MYO1E: variants seen among roughly 807,000 people sequenced by gnomAD.
The protein encoded by MYO1E is unconventional myosin-Ie.
In MYO1E, 68 loss-of-function variants were observed where a neutral mutation model predicts 151.1. The ratio of observed to expected loss-of-function variants is 0.45; its 90% CI spans 0.37 to 0.55. The LOEUF (loss-of-function observed/expected upper bound fraction) is 0.55, where lower values mean the gene tolerates loss of function less well. Among genes scored for constraint, MYO1E ranks in the 20% least tolerant of loss-of-function variants. The pLI, the probability that MYO1E is intolerant of heterozygous loss-of-function variation, is 0.00. For missense variants in MYO1E, 1,363 were observed against 1,389.3 expected (o/e 0.98, Z 0.30); for synonymous variants, 601 against 501.7 (o/e 1.20, Z -2.64).
intron 1 of MYO1E, among the ~76,000 whole-genome samples, chr15:59,322,386 T>C (rs531747811): frequency 8.9e-4 from 135 of 152,322 alleles, no homozygotes; most frequent in African/African-American, 3.1e-3. Flanking sequence ...ACTGTATCTA[T>C]ACTTACAAAT....
intron 1 of MYO1E, among the ~76,000 whole-genome samples, chr15:59,273,176 G>T (rs1409275301): frequency 6.6e-6 from 1 of 152,182 alleles, no homozygotes; most frequent in Non-Finnish European, 1.5e-5. Flanking sequence ...GGCCCCCTTG[G>T]GTAGATGAAG....
chr15:59,144,913 G>A (rs1181460308), intron 26 of MYO1E, among the ~76,000 whole-genome samples: 1 of 152,098 alleles, frequency 6.6e-6, no homozygotes, highest in Non-Finnish European at 1.5e-5. Flanking sequence ...GTACGATCTC[G>A]GCTCACCGCA....
chr15:59,196,521 TCCAAAGCCAGAAAA>T (rs753222583), intron 16 of MYO1E, among the ~76,000 whole-genome samples: 25 of 152,082 alleles, frequency 1.6e-4, no homozygotes, highest in Non-Finnish European at 2.9e-4. Context: ...AAAAGGGACC[TCCAAAGCCAGAAAA>T]CCATTACAGT....
chr15:59,360,714 G>C (rs528675557), intron 1 of MYO1E, among the ~76,000 whole-genome samples: 46 of 152,260 alleles, frequency 3.0e-4, no homozygotes, highest in African/African-American at 1.1e-3. Context: ...CTTCAGCTCC[G>C]ATTCCTCATG....
In MYO1E at chr15:59,233,441, G is replaced by A. The variant is rs914128702; in HGVS notation, c.421-1650C>T. 1.8e-4 allele frequency among the ~76,000 whole-genome samples: 28 copies of A among 152,162 alleles called. 1 individual carries two copies. The South Asian group carries it at 5.6e-3, about 30-fold the overall frequency. ...AGCACTTTGGGAAGCCAAGGCGGGC[G>A]GATCATGAGGTCAACAGATCAAGAC... On this transcript the variant is annotated intron_variant, in intron 5 of 27. Coordinates refer to ENST00000288235, the MANE Select transcript of MYO1E (RefSeq NM_004998.4).
chr15:59,138,406 A>G, intron 26 of MYO1E, 39 bp from the exon 27 acceptor site: 1 of 1,609,402 alleles, frequency 6.2e-7, no homozygotes, highest in Non-Finnish European at 8.5e-7. Flanking sequence ...GGGCCCCAAC[A>G]GGGGGCAGCA....
At position 59,372,534 on chromosome 15, in the gene MYO1E, TCC is replaced by T; in HGVS notation, c.-36_-35del. The T allele has an allele frequency of 6.5e-7, 1 of 1,535,148 alleles. No individual in the cohort carries two copies. Among genetic ancestry groups the T allele is most frequent in the African/African-American group, 1.4e-5 (1 of 72,744 alleles). On this transcript the variant is annotated 5_prime_UTR_variant, in exon 1 of 28. Coordinates refer to ENST00000288235, the MANE Select transcript of MYO1E (RefSeq NM_004998.4). ...GCGCCGCGGTCGCGTCTTCGCCGGGTCCCGCTGCCGGGGAACTGGGGCTGGAA... is the reference window on the plus strand; with the variant it reads ...GCGCCGCGGTCGCGTCTTCGCCGGGTCGCTGCCGGGGAACTGGGGCTGGAA...
chr15:59,174,238 T>G lies in MYO1E; in HGVS notation c.2052A>C (p.Leu684=). 2 of 1,603,028 alleles carry G rather than the reference T, an allele frequency of 1.2e-6. No homozygotes were observed. Among genetic ancestry groups the G allele is most frequent in the Non-Finnish European group, 1.7e-6 (2 of 1,170,108 alleles). ...TCTCTCTCATCTCTTCTAAAAGAAA[T>G]AGCTGTGAATGGAGAGAAGACAAAT... The part of the protein sequence containing the change: ...SKVFIKAPES[L]FLLEEMRERK... Residue 684 remains leucine, a splice_region_variant and synonymous_variant, in exon 20 of 28, where the codon CTA becomes CTC. Coordinates refer to ENST00000288235, the MANE Select transcript of MYO1E (RefSeq NM_004998.4).
chr15:59,198,890 C>T (rs1412024822), intron 16 of MYO1E, among the ~76,000 whole-genome samples: 2 of 151,872 alleles, frequency 1.3e-5, no homozygotes, highest in African/African-American at 4.8e-5. Flanking sequence ...GATGCCTGTA[C>T]TTCCTCTGTC....
chr15:59,317,922 G>A (rs2080599493), intron 1 of MYO1E, among the ~76,000 whole-genome samples: 1 of 152,186 alleles, frequency 6.6e-6, no homozygotes, highest in East Asian at 1.9e-4. Context: ...TTCTACAGAT[G>A]TGGAAACTGA....
intron 6 of MYO1E, among the ~76,000 whole-genome samples, chr15:59,228,862 C>A (rs147778711): frequency 6.6e-6 from 1 of 152,142 alleles, no homozygotes; most frequent in Admixed American, 6.5e-5. Context: ...TGTTCCTGTT[C>A]GTAATTATTC....
intron 1 of MYO1E, among the ~76,000 whole-genome samples, chr15:59,361,222 T>C (rs557549467): frequency 1.1e-4 from 16 of 152,146 alleles, no homozygotes; most frequent in Non-Finnish European, 1.9e-4. Context: ...ACCACAGTGA[T>C]TGAATGAACC....
intron 1 of MYO1E, among the ~76,000 whole-genome samples, chr15:59,291,212 C>T (rs1261840819): frequency 6.6e-6 from 1 of 152,184 alleles, no homozygotes; most frequent in East Asian, 1.9e-4. Context: ...TACCTGAGCC[C>T]AGCGACCCAA....
Position 59,136,836 on chromosome 15 carries a change from G to C in MYO1E, c.*544C>G, listed in dbSNP as rs1383929709. The C allele has an allele frequency of 8.9e-6, 4 of 450,588 alleles. No individual in the cohort carries two copies. The highest frequency in any genetic ancestry group is 6.0e-5 in the African/African-American group (3 of 49,744). 27.9% of individuals were successfully genotyped at this position (450,588 alleles called of 1,614,324 possible). A position where few individuals can be genotyped will look rare whatever the true frequency, so the allele number is the denominator to read the frequency against. ...TAAACCAGTGCCCCTCTGTCGCCCT[G>C]GGCTCAGCAGGCCAGCTTACCCTTG... On this transcript the variant is annotated 3_prime_UTR_variant, in exon 28 of 28. Coordinates refer to ENST00000288235, the MANE Select transcript of MYO1E (RefSeq NM_004998.4).
chr15:59,134,599 A>G lies in MYO1E; in HGVS notation c.*2781T>C, dbSNP rs1310118294. ...ACTAAAGCTTGAACACCTCTACCCT[A>G]GGGTACACAGTCAGGCCTTCTCATT... On this transcript the variant is annotated 3_prime_UTR_variant, in exon 28 of 28. Transcript: ENST00000288235. 6.6e-6 allele frequency: 1 copy of G among 152,228 alleles called. No homozygotes were observed. The highest frequency in any genetic ancestry group is 2.4e-5 in the African/African-American group (1 of 41,454). 9.4% of individuals were successfully genotyped at this position (152,228 alleles called of 1,614,324 possible).
At chr15:59,328,587 T>C (rs535205243) in intron 1 of MYO1E, among the ~76,000 whole-genome samples, 2 of 152,278 alleles carry the variant, frequency 1.3e-5, no homozygotes, top group East Asian at 1.9e-4. Flanking sequence ...TGACCAGTTA[T>C]AGAAACTTAA....
At chr15:59,250,537 ATCC>A (rs1414591995) in intron 4 of MYO1E, among the ~76,000 whole-genome samples, 3 of 151,954 alleles carry the variant, frequency 2.0e-5, no homozygotes, top group African/African-American at 7.3e-5. Flanking sequence ...TTTAATTTGT[ATCC>A]TCCTTTTGCC....
At chr15:59,218,864 G>A (rs2079936239) in intron 9 of MYO1E, among the ~76,000 whole-genome samples, 1 of 152,190 alleles carries the variant, frequency 6.6e-6, no homozygotes, top group African/African-American at 2.4e-5. Context: ...GCAGAAGTGT[G>A]GGAGACATGA....
intron 9 of MYO1E, among the ~76,000 whole-genome samples, chr15:59,221,295 C>T (rs1408168646): frequency 1.3e-5 from 2 of 151,912 alleles, no homozygotes; most frequent in Non-Finnish European, 2.9e-5. Flanking sequence ...CAGGCATGAG[C>T]CACCATGCCT....
Sources: allele counts gnomAD v4.1 joint callset (sites outside exome capture counted in the v4.1 genomes callset), GRCh38; gene constraint gnomAD v4.1.1; transcripts MANE v1.5; gene names NCBI Gene and HGNC (gene_info 2026-07-23, HGNC 2026-07-21).